Variants in PLXDC2 observed in about 807,000 individuals in gnomAD.
PLXDC2 encodes plexin domain-containing protein 2.
In PLXDC2, 40 loss-of-function variants were observed where a neutral mutation model predicts 68.9. The ratio of observed to expected loss-of-function variants is 0.58; its 90% CI spans 0.45 to 0.76. The LOEUF is 0.76. PLXDC2 is among the 30% of genes least tolerant of loss of function. The pLI, the probability that PLXDC2 is intolerant of heterozygous loss-of-function variation, is 0.00. For synonymous variants in PLXDC2, 243 were observed against 234.2 expected (o/e 1.04, Z -0.34); for missense variants, 644 against 661.9 (o/e 0.97, Z 0.30).
chr10:20,078,093 T>C (rs1836482274), intron 4 of PLXDC2, among the ~76,000 whole-genome samples: 1 of 152,212 alleles, frequency 6.6e-6, no homozygotes, highest in South Asian at 2.1e-4. Context: ...TTTTTAACCT[T>C]TCTACCTCTT....
In PLXDC2 at chr10:20,237,497, A is replaced by C. The variant is rs138229275; in HGVS notation, c.1313-7848A>C. ...AGTTAAAGAGGTAAGAGAGAAAATAAATGAGCTACAAAATGAGACTGATCA... is the reference window on the plus strand; with the variant it reads ...AGTTAAAGAGGTAAGAGAGAAAATACATGAGCTACAAAATGAGACTGATCA... On this transcript the variant is annotated intron_variant, in intron 12 of 13. Coordinates refer to ENST00000377252, the MANE Select transcript of PLXDC2 (RefSeq NM_032812.9). 6.2e-4 allele frequency among the ~76,000 whole-genome samples: 94 copies of C among 152,354 alleles called. No individual in the cohort carries two copies. The East Asian group carries it at 0.016, about 27-fold the overall frequency.
At chr10:19,894,258 AC>A (rs1838016849) in intron 1 of PLXDC2, among the ~76,000 whole-genome samples, 1 of 152,018 alleles carries the variant, frequency 6.6e-6, no homozygotes, top group Non-Finnish European at 1.5e-5. Flanking sequence ...AAAAACAAAA[AC>A]AAAAAACTGA....
intron 4 of PLXDC2, among the ~76,000 whole-genome samples, chr10:20,104,815 AGC>A (rs1833469090): frequency 6.6e-6 from 1 of 152,018 alleles, no homozygotes. Context: ...CACTGCGGGA[AGC>A]TGAGGCAAGT....
At chr10:19,943,413 A>G (rs1470862397) in intron 1 of PLXDC2, among the ~76,000 whole-genome samples, 1 of 152,212 alleles carries the variant, frequency 6.6e-6, no homozygotes, top group Non-Finnish European at 1.5e-5. Flanking sequence ...TTATGTCTTC[A>G]CTATATTTCT....
intron 1 of PLXDC2, among the ~76,000 whole-genome samples, chr10:19,972,430 C>T (rs1035263165): frequency 1.3e-5 from 2 of 152,088 alleles, no homozygotes; most frequent in Admixed American, 1.3e-4. Flanking sequence ...ACAATAGACA[C>T]CAGAGTCTAC....
At chr10:20,007,339 T>C (rs1835042514) in intron 2 of PLXDC2, among the ~76,000 whole-genome samples, 3 of 152,248 alleles carry the variant, frequency 2.0e-5, no homozygotes, top group African/African-American at 7.2e-5. Flanking sequence ...TGCTGTAGAA[T>C]AGTGTTGGTC....
At chr10:20,103,648 C>CT (rs35831990) in intron 4 of PLXDC2, among the ~76,000 whole-genome samples, 22,293 of 138,498 alleles carry the variant, frequency 0.16, 1,941 homozygotes, top group East Asian at 0.25. Flanking sequence ...TTTTTTTTTT[C>CT]TTTTTTTTTT....
At chr10:19,883,606 C>T (rs1837778472) in intron 1 of PLXDC2, among the ~76,000 whole-genome samples, 1 of 151,936 alleles carries the variant, frequency 6.6e-6, no homozygotes, top group South Asian at 2.1e-4. Context: ...CTTTTCTTTT[C>T]TAGAATGTTG....
At chr10:20,001,382 C>G (rs1834934575) in intron 1 of PLXDC2, among the ~76,000 whole-genome samples, 1 of 151,970 alleles carries the variant, frequency 6.6e-6, no homozygotes, top group Non-Finnish European at 1.5e-5. Context: ...CTTTTATTTT[C>G]AAAATAATCT....
At chr10:20,096,497 C>T (rs1408972552) in intron 4 of PLXDC2, among the ~76,000 whole-genome samples, 1 of 151,934 alleles carries the variant, frequency 6.6e-6, no homozygotes, top group Non-Finnish European at 1.5e-5. Flanking sequence ...AGTATTTAAA[C>T]AGCCAGCAGC....
rs1283246358 is a variant in PLXDC2, at chr10:20,280,611, T to C, written c.*792T>C. 6.6e-6 allele frequency: 1 copy of C among 152,092 alleles called. No individual in the cohort carries two copies. Among genetic ancestry groups the C allele is most frequent in the Non-Finnish European group, 1.5e-5 (1 of 68,016 alleles). 9.4% of individuals were successfully genotyped at this position (152,092 alleles called of 1,614,324 possible). The stretch of plus-strand genomic sequence containing the variant: ...GCATGAAAACATCTGATTTATGCTT[T>C]ATGGAAGCCTTACCTCCAATCCCCA... On this transcript the variant is annotated 3_prime_UTR_variant, in exon 14 of 14. Transcript: ENST00000377252.
At chr10:19,897,817 G>A (rs917785717) in intron 1 of PLXDC2, among the ~76,000 whole-genome samples, 11 of 152,076 alleles carry the variant, frequency 7.2e-5, no homozygotes, top group Admixed American at 3.3e-4. Flanking sequence ...TTGAGAATAT[G>A]TGGGATTATA....
intron 1 of PLXDC2, among the ~76,000 whole-genome samples, chr10:19,915,452 T>C (rs957839848): frequency 1.3e-5 from 2 of 152,238 alleles, no homozygotes; most frequent in East Asian, 1.9e-4. Flanking sequence ...TTTACATACA[T>C]TGAGAACTAC....
At chr10:19,833,732 T>C (rs1002129932) in intron 1 of PLXDC2, among the ~76,000 whole-genome samples, 1 of 152,218 alleles carries the variant, frequency 6.6e-6, no homozygotes, top group African/African-American at 2.4e-5. Context: ...AGTTAACTTT[T>C]TTTGGATAAT....
intron 4 of PLXDC2, among the ~76,000 whole-genome samples, chr10:20,096,367 G>T (rs1228136731): frequency 6.6e-6 from 1 of 152,094 alleles, no homozygotes; most frequent in Non-Finnish European, 1.5e-5. Flanking sequence ...GATTGTAGGA[G>T]AAAATTGGGA....
At chr10:20,093,797 C>T (rs1258048092) in intron 4 of PLXDC2, among the ~76,000 whole-genome samples, 2 of 152,112 alleles carry the variant, frequency 1.3e-5, no homozygotes, top group African/African-American at 4.8e-5. Flanking sequence ...CCATAGCCTG[C>T]CAAGTAGCTG....
intron 1 of PLXDC2, among the ~76,000 whole-genome samples, chr10:19,845,534 C>A (rs1836992258): frequency 6.6e-6 from 1 of 152,110 alleles, no homozygotes; most frequent in Non-Finnish European, 1.5e-5. Flanking sequence ...GGGCAGGTGA[C>A]CCCCAAAGTG....
chr10:20,247,320 GA>G (rs1179672421), intron 13 of PLXDC2, among the ~76,000 whole-genome samples: 14 of 149,898 alleles, frequency 9.3e-5, no homozygotes, highest in African/African-American at 3.4e-4. Context: ...AAGAAAAAAA[GA>G]AAAAAATGAA....
At chr10:19,943,975 A>G (rs1324173642) in intron 1 of PLXDC2, among the ~76,000 whole-genome samples, 1 of 152,206 alleles carries the variant, frequency 6.6e-6, no homozygotes, top group African/African-American at 2.4e-5. Flanking sequence ...CTTGGTATTA[A>G]TTCTTACTAC....
Sources: allele counts gnomAD v4.1 joint callset (sites outside exome capture counted in the v4.1 genomes callset), GRCh38; gene constraint gnomAD v4.1.1; transcripts MANE v1.5; gene names NCBI Gene and HGNC (gene_info 2026-07-23, HGNC 2026-07-21).